ING5: variants seen among roughly 807,000 people sequenced by gnomAD.
ING5 encodes inhibitor of growth protein 5.
ING5 carries 17 observed loss-of-function variants against 37.4 expected under a neutral mutation model. The ratio of observed to expected loss-of-function variants is 0.45; its 90% CI spans 0.31 to 0.68. ING5 has a LOEUF of 0.68. Ranked by LOEUF, ING5 falls within the 30% of genes least tolerant of loss-of-function variation. ING5 has a pLI of 0.05. For synonymous variants in ING5, 123 were observed against 116.6 expected (o/e 1.06, Z -0.36); for missense variants, 233 against 311.9 (o/e 0.75, Z 1.91).
At chr2:241,720,985 T>A in intron 5 of ING5, 1 of 985,688 alleles carries the variant, frequency 1.0e-6, no homozygotes, top group Non-Finnish European at 1.2e-6. Flanking sequence ...CCCACAGCCA[T>A]CAAATCTGGC....
intron 1 of ING5, among the ~76,000 whole-genome samples, 173 bp downstream of exon 1, chr2:241,702,275 AGGGCGCGGGGGGC>A (rs1029591376): frequency 1.6e-3 from 221 of 141,864 alleles, no homozygotes; most frequent in Non-Finnish European, 1.8e-3. Flanking sequence ...AAGGGAGGGG[AGGGCGCGGGGGGC>A]GGGCGCGGGG....
At chr2:241,701,664 G>A (rs560478319), upstream of ING5, among the ~76,000 whole-genome samples, 1 of 152,296 alleles carries the variant, frequency 6.6e-6, no homozygotes, top group Admixed American at 6.5e-5. Context: ...CCGGCCGGGA[G>A]CAGGGGTCGC....
intron 5 of ING5, chr2:241,720,204 G>A (rs2070395594): frequency 3.2e-6 from 4 of 1,233,032 alleles, no homozygotes; most frequent in Admixed American, 4.2e-5. Context: ...CATCCTGGGT[G>A]TGTGCAGGAG....
chr2:241,701,247 C>T (rs1422018887), upstream of ING5, among the ~76,000 whole-genome samples: 1 of 152,080 alleles, frequency 6.6e-6, no homozygotes, highest in African/African-American at 2.4e-5. Context: ...TACAGGCGTG[C>T]GCCAGCGCGC....
At chr2:241,707,860 C>T (rs954519116) in intron 2 of ING5, among the ~76,000 whole-genome samples, 1 of 152,278 alleles carries the variant, frequency 6.6e-6, no homozygotes, top group South Asian at 2.1e-4. Context: ...GGGTGACCAT[C>T]CTGAGTTTGG....
intron 4 of ING5, 82 bp from the exon 5 acceptor site, chr2:241,711,896 C>A (rs375455471): frequency 2.6e-5 from 32 of 1,226,206 alleles, no homozygotes; most frequent in African/African-American, 6.1e-5. Flanking sequence ...CAGAGCGAGA[C>A]CCCTTTTTAA....
chr2:241,699,276 C>T (rs113787061), upstream of ING5, among the ~76,000 whole-genome samples: 2,003 of 149,660 alleles, frequency 0.013, 51 homozygotes, highest in African/African-American at 0.047. Flanking sequence ...CCACCCACCT[C>T]ATCCTTCCAA....
chr2:241,719,078 G>A (rs1339035337), intron 5 of ING5, among the ~76,000 whole-genome samples: 3 of 152,208 alleles, frequency 2.0e-5, no homozygotes, highest in Non-Finnish European at 2.9e-5. Flanking sequence ...CAGCTCCACC[G>A]AGGCCCCTTG....
At chr2:241,714,033 T>G (rs142718122) in intron 5 of ING5, among the ~76,000 whole-genome samples, 3 of 151,322 alleles carry the variant, frequency 2.0e-5, no homozygotes, top group African/African-American at 7.3e-5. Context: ...TGTAAAGTAG[T>G]GCACAGATAC....
At chr2:241,724,270 A>C (rs1187832434) in intron 7 of ING5, among the ~76,000 whole-genome samples, 2 of 152,202 alleles carry the variant, frequency 1.3e-5, no homozygotes, top group African/African-American at 4.8e-5. Flanking sequence ...ATGTGGCGTC[A>C]ACACAGGCTG....
intron 1 of ING5, among the ~76,000 whole-genome samples, chr2:241,702,585 G>A (rs947126861): frequency 4.6e-5 from 7 of 152,190 alleles, no homozygotes; most frequent in African/African-American, 1.7e-4. Context: ...GGCCTCTTGT[G>A]TGACCGCGGC....
At chr2:241,690,718 T>C in intron 2 of ING5, 1 of 398,136 alleles carries the variant, frequency 2.5e-6, no homozygotes, top group Non-Finnish European at 4.4e-6. Flanking sequence ...GAGATACAGG[T>C]GAAATGGAGT....
Position 241,704,638 on chromosome 2 carries a change from GT to G in ING5, c.38-10del. The G allele has an allele frequency of 1.2e-6, 2 of 1,612,470 alleles. No homozygotes were observed. The highest frequency in any genetic ancestry group is 1.7e-6 in the Non-Finnish European group (2 of 1,178,496). On this transcript the variant is annotated splice_polypyrimidine_tract_variant and intron_variant, in intron 1 of 7. Coordinates refer to ENST00000313552, the MANE Select transcript of ING5 (RefSeq NM_032329.6). ...CTGCTGAGAGGTACATGGCTTCTGT[GT>G]TTTTGCGTTTCAGGTATCGAGAACC...
At chr2:241,697,922 A>G (rs925929740), upstream of ING5, among the ~76,000 whole-genome samples, 2 of 152,092 alleles carry the variant, frequency 1.3e-5, no homozygotes. Flanking sequence ...ATCTCTGCTT[A>G]AAATACAAAA....
At chr2:241,724,328 T>TG (rs1424565705) in intron 7 of ING5, among the ~76,000 whole-genome samples, 1 of 152,116 alleles carries the variant, frequency 6.6e-6, no homozygotes, top group Non-Finnish European at 1.5e-5. Context: ...GCCGTGCGGC[T>TG]GGGGGATGGT....
In ING5 at chr2:241,724,985, A is replaced by T. The variant is rs1354940419; in HGVS notation, c.681-4A>T. The T allele has an allele frequency of 2.5e-6, 4 of 1,614,004 alleles. No individual in the cohort carries two copies. Among genetic ancestry groups the T allele is most frequent in the Non-Finnish European group, 3.4e-6 (4 of 1,179,912 alleles). ...AGGGCCTCACTGCGCCTTTCTTGTC[A>T]CAGGTTCTGTCCACGGTGTGTCCAG... is the stretch of plus-strand genomic sequence containing the variant. On this transcript the variant is annotated splice_region_variant and splice_polypyrimidine_tract_variant and intron_variant, in intron 7 of 7. Transcript: ENST00000313552.
At chr2:241,699,348 A>G (rs2069680319), upstream of ING5, among the ~76,000 whole-genome samples, 1 of 152,120 alleles carries the variant, frequency 6.6e-6, no homozygotes, top group Non-Finnish European at 1.5e-5. Flanking sequence ...TGAACATAAT[A>G]GTGGCAAAAA....
intron 5 of ING5, chr2:241,720,894 G>T (rs139525526): frequency 1.0e-6 from 1 of 985,592 alleles, no homozygotes; most frequent in Non-Finnish European, 1.2e-6. Context: ...AGGCGAGACT[G>T]AGAGGCCAGT....
upstream of ING5, chr2:241,702,001 GC>G: frequency 2.4e-6 from 3 of 1,225,738 alleles, no homozygotes; most frequent in Admixed American, 4.2e-5. Flanking sequence ...CGCTGGCACC[GC>G]CCCGCCCCCG....
Sources: gnomAD v4.1 joint callset for allele counts (sites outside exome capture counted in the v4.1 genomes callset) on GRCh38, gnomAD v4.1.1 for gene constraint, MANE v1.5 for transcripts, NCBI Gene and HGNC (gene_info 2026-07-23, HGNC 2026-07-21) for gene names.